Variants in TNFSF4 observed in about 807,000 individuals in gnomAD.
The protein encoded by TNFSF4 is tumor necrosis factor ligand superfamily member 4.
A neutral mutation model predicts 7.3 loss-of-function variants in TNFSF4; 4 were observed. The ratio of observed to expected loss-of-function variants is 0.55; its 90% CI spans 0.27 to 1.25. TNFSF4 has a LOEUF of 1.25. Ranked by LOEUF, TNFSF4 falls within the 50% of genes most tolerant of loss-of-function variation. TNFSF4 has a pLI of 0.12. For synonymous variants in TNFSF4, 76 were observed against 83.7 expected (o/e 0.91, Z 0.50); for missense variants, 181 against 208.8 (o/e 0.87, Z 0.82).
At chr1:173,339,871 G>T in the TNFSF4 span, among the ~76,000 whole-genome samples, 1 of 152,184 alleles carries the variant, frequency 6.6e-6, no homozygotes, top group Non-Finnish European at 1.5e-5. Context: ...TTAATCAGGG[G>T]TAGACTTGTG....
chr1:173,292,933 A>G, the TNFSF4 span, among the ~76,000 whole-genome samples: 1 of 152,098 alleles, frequency 6.6e-6, no homozygotes, highest in Non-Finnish European at 1.5e-5. Flanking sequence ...ACCGCTAACC[A>G]AGGAAGTGAA....
the TNFSF4 span, among the ~76,000 whole-genome samples, chr1:173,175,780 A>G: frequency 6.6e-6 from 1 of 152,296 alleles, no homozygotes; most frequent in Non-Finnish European, 1.5e-5. Context: ...AACTGTCTAC[A>G]TGTCTAGACT....
At chr1:173,199,425 T>C (rs1183265276) in intron 1 of TNFSF4, among the ~76,000 whole-genome samples, 4 of 152,124 alleles carry the variant, frequency 2.6e-5, no homozygotes, top group African/African-American at 9.7e-5. Context: ...ATATGACTGG[T>C]GTCCTTGAAG....
the TNFSF4 span, among the ~76,000 whole-genome samples, chr1:173,398,400 A>G: frequency 4.9e-5 from 6 of 121,256 alleles, no homozygotes; most frequent in African/African-American, 1.9e-4. Context: ...CCTCAGTGAT[A>G]TTTCTTTTCT....
At chr1:173,439,936 C>T in the TNFSF4 span, among the ~76,000 whole-genome samples, 3 of 152,186 alleles carry the variant, frequency 2.0e-5, no homozygotes, top group Non-Finnish European at 4.4e-5. Flanking sequence ...GAAATGTACA[C>T]CATTTAGCAA....
upstream of TNFSF4, among the ~76,000 whole-genome samples, chr1:173,208,732 G>A (rs1279966671): frequency 6.6e-6 from 1 of 151,858 alleles, no homozygotes; most frequent in Non-Finnish European, 1.5e-5. Flanking sequence ...GGAGAAAAAA[G>A]CTGAAGGAAA....
chr1:173,380,839 C>CT, the TNFSF4 span, among the ~76,000 whole-genome samples: 1 of 152,120 alleles, frequency 6.6e-6, no homozygotes, highest in Non-Finnish European at 1.5e-5. Flanking sequence ...ACTCACCCAC[C>CT]TTTTTTAACA....
chr1:173,331,335 T>C, the TNFSF4 span, among the ~76,000 whole-genome samples: 1 of 152,250 alleles, frequency 6.6e-6, no homozygotes, highest in East Asian at 1.9e-4. Context: ...GTATTGTATT[T>C]TGGTTTTCTT....
the TNFSF4 span, among the ~76,000 whole-genome samples, chr1:173,365,924 T>C: frequency 6.6e-6 from 1 of 152,198 alleles, no homozygotes; most frequent in Admixed American, 6.5e-5. Flanking sequence ...CACACATATA[T>C]AGACTCTTTA....
At chr1:173,270,465 T>C in the TNFSF4 span, among the ~76,000 whole-genome samples, 1 of 151,634 alleles carries the variant, frequency 6.6e-6, no homozygotes, top group African/African-American at 2.4e-5. Flanking sequence ...CAACTGAGGG[T>C]GAGGATTGGG....
chr1:173,320,029 A>G, the TNFSF4 span, among the ~76,000 whole-genome samples: 1 of 152,164 alleles, frequency 6.6e-6, no homozygotes, highest in African/African-American at 2.4e-5. Flanking sequence ...CACACACACA[A>G]AAAGGAAACT....
the TNFSF4 span, among the ~76,000 whole-genome samples, chr1:173,437,798 T>A: frequency 6.6e-6 from 1 of 152,188 alleles, no homozygotes. Context: ...ATAATACATA[T>A]TAATATCCCA....
chr1:173,403,678 TG>T, the TNFSF4 span, among the ~76,000 whole-genome samples: 1 of 152,188 alleles, frequency 6.6e-6, no homozygotes, highest in South Asian at 2.1e-4. Flanking sequence ...CCAAGGCAGG[TG>T]GATCACGAGG....
the TNFSF4 span, among the ~76,000 whole-genome samples, chr1:173,359,162 T>C: frequency 2.0e-5 from 3 of 152,244 alleles, no homozygotes; most frequent in Admixed American, 2.0e-4. Context: ...ATTATCAATA[T>C]GCCTTATCTT....
At chr1:173,194,189 G>GT (rs761460753) in intron 1 of TNFSF4, among the ~76,000 whole-genome samples, 14 of 152,196 alleles carry the variant, frequency 9.2e-5, no homozygotes, top group Non-Finnish European at 1.9e-4. Context: ...TTTCTCTGCT[G>GT]TAAGTGTTAT....
At chr1:173,269,898 C>T in the TNFSF4 span, among the ~76,000 whole-genome samples, 1 of 152,026 alleles carries the variant, frequency 6.6e-6, no homozygotes, top group Admixed American at 6.6e-5. Flanking sequence ...GCTGAGAGCA[C>T]ATTGGAAGGG....
chr1:173,422,514 A>G, the TNFSF4 span, among the ~76,000 whole-genome samples: 1 of 152,000 alleles, frequency 6.6e-6, no homozygotes, highest in African/African-American at 2.4e-5. Context: ...ACGGCATGGG[A>G]GTACAGAAAA....
the TNFSF4 span, among the ~76,000 whole-genome samples, chr1:173,435,586 A>T: frequency 6.6e-6 from 1 of 152,230 alleles, no homozygotes; most frequent in Non-Finnish European, 1.5e-5. Flanking sequence ...ACCTGTCAGC[A>T]TCCAAACCTG....
At chr1:173,406,382 T>C in the TNFSF4 span, among the ~76,000 whole-genome samples, 127 of 152,300 alleles carry the variant, frequency 8.3e-4, no homozygotes, top group African/African-American at 3.0e-3. Context: ...CTTATTTATT[T>C]ACTTATTTCA....
Sources: allele counts gnomAD v4.1 joint callset (sites outside exome capture counted in the v4.1 genomes callset), GRCh38; gene constraint gnomAD v4.1.1; transcripts MANE v1.5; gene names NCBI Gene and HGNC (gene_info 2026-07-23, HGNC 2026-07-21).